The following CLASP1 variants were observed in gnomAD, a reference collection of about 807,000 sequenced individuals.
The protein encoded by CLASP1 is CLIP-associating protein 1.
In CLASP1, 38 loss-of-function variants were observed where a neutral mutation model predicts 192.3. That is an observed-to-expected ratio of 0.20 (90% confidence interval 0.15 to 0.26). The LOEUF is 0.26. CLASP1 is among the 10% of genes least tolerant of loss of function. The probability of loss-of-function intolerance (pLI) is 1.00; values close to 1 mark genes in which losing one functional copy is unlikely to be tolerated. For synonymous variants in CLASP1, 691 were observed against 712.8 expected (o/e 0.97, Z 0.49); for missense variants, 1,433 against 1,932.5 (o/e 0.74, Z 4.85).
At chr2:121,560,842 C>A (rs556094544) in intron 2 of CLASP1, among the ~76,000 whole-genome samples, 67 of 152,342 alleles carry the variant, frequency 4.4e-4, no homozygotes, top group African/African-American at 1.3e-3. Context: ...TCAAGCAATT[C>A]TCCTGCATCA....
intron 2 of CLASP1, among the ~76,000 whole-genome samples, chr2:121,574,134 C>T (rs2060238416): frequency 6.6e-6 from 1 of 152,204 alleles, no homozygotes; most frequent in Admixed American, 6.5e-5. Context: ...TCGAGACTAT[C>T]CTGGCTAACA....
chr2:121,458,975 C>G, exon 13 of CLASP1: 1 of 1,596,722 alleles, frequency 6.3e-7, no homozygotes, highest in Non-Finnish European at 8.5e-7. Flanking sequence ...ATGACAGATG[C>G]CTAAAACAAG....
At chr2:121,474,069 A>G (rs2091231883) in intron 8 of CLASP1, among the ~76,000 whole-genome samples, 1 of 152,224 alleles carries the variant, frequency 6.6e-6, no homozygotes, top group Admixed American at 6.5e-5. Context: ...TTTATTATTT[A>G]TTCTCCTGTT....
At chr2:121,604,053 A>G (rs1025826976) in intron 2 of CLASP1, among the ~76,000 whole-genome samples, 1 of 152,224 alleles carries the variant, frequency 6.6e-6, no homozygotes, top group Non-Finnish European at 1.5e-5. Flanking sequence ...AATTAGCTAG[A>G]AGGAGGATAT....
rs2066479642 is a variant in CLASP1 at position 121,616,447 on chromosome 2, C to A, written c.-285-10267G>T. Among the ~76,000 whole-genome samples the A allele has an allele frequency of 1.3e-5, 2 of 151,202 alleles. 1 individual carries two copies. Among genetic ancestry groups the A allele is most frequent in the African/African-American group, 4.9e-5 (2 of 41,096 alleles). On this transcript the variant is annotated intron_variant, in intron 1 of 39. Transcript: ENST00000263710. ...GGCAACAAAGAGCAAAACTCTGTCT[C>A]AAAAAAATAAAAAATAAAAATCTCC...
At chr2:121,527,824 G>C in exon 5 of CLASP1, 1 of 1,613,852 alleles carries the variant, frequency 6.2e-7, no homozygotes, top group South Asian at 1.1e-5. Context: ...ATAAGGCAGA[G>C]ACAGATGCCT....
intron 38 of CLASP1, among the ~76,000 whole-genome samples, 179 bp from the exon 40 acceptor site, chr2:121,347,333 C>T (rs1426325063): frequency 6.6e-6 from 1 of 152,186 alleles, no homozygotes; most frequent in Non-Finnish European, 1.5e-5. Flanking sequence ...AAAGTGGTCA[C>T]AACTTAGCAT....
At chr2:121,449,610 C>A in intron 16 of CLASP1, among the ~76,000 whole-genome samples, 1 of 91,924 alleles carries the variant, frequency 1.1e-5, no homozygotes, top group Non-Finnish European at 2.1e-5. Flanking sequence ...AAAAATGGGC[C>A]GGGGGTGGGG....
intron 6 of CLASP1, among the ~76,000 whole-genome samples, chr2:121,516,104 A>G (rs2094284672): frequency 6.6e-6 from 1 of 152,316 alleles, no homozygotes; most frequent in South Asian, 2.1e-4. Flanking sequence ...AATAAATGAT[A>G]CTAAAAATAA....
intron 26 of CLASP1, chr2:121,403,801 TGG>T: frequency 2.1e-6 from 1 of 465,362 alleles, no homozygotes; most frequent in Non-Finnish European, 4.3e-6. Flanking sequence ...AAGCATTCCT[TGG>T]GCTTAGTGTT....
At chr2:121,459,240 T>G (rs374277985) in intron 12 of CLASP1, among the ~76,000 whole-genome samples, 17 of 152,164 alleles carry the variant, frequency 1.1e-4, no homozygotes, top group Non-Finnish European at 2.2e-4. Context: ...CTTGCCCACG[T>G]TGAACTTGAA....
At chr2:121,406,505 C>T (rs2076931758) in intron 25 of CLASP1, among the ~76,000 whole-genome samples, 1 of 152,192 alleles carries the variant, frequency 6.6e-6, no homozygotes, top group Admixed American at 6.5e-5. Flanking sequence ...ACCTGAACTG[C>T]ATACTGTACA....
chr2:121,530,664 G>T, intron 2 of CLASP1: 2 of 511,348 alleles, frequency 3.9e-6, no homozygotes, highest in South Asian at 3.1e-5. Context: ...GCAAATTTTC[G>T]AGCGGCCGAC....
At chr2:121,631,875 C>T (rs1012400693) in intron 1 of CLASP1, among the ~76,000 whole-genome samples, 5 of 151,856 alleles carry the variant, frequency 3.3e-5, no homozygotes, top group South Asian at 2.1e-4. Context: ...GGTGAAACCC[C>T]GTCTCTAGTA....
rs2073794053 is a variant in CLASP1, at chr2:121,388,696, A to T, written c.3124-790T>A. On this transcript the variant is annotated intron_variant, in intron 30 of 39. Coordinates refer to ENST00000263710, the Ensembl canonical transcript of CLASP1. ...AAGCACAATGCCTGAGGAATTAATT[A>T]CAATAGTTTTCATTTATAAAAGCTA... is the stretch of plus-strand genomic sequence containing the variant. Among the ~76,000 whole-genome samples, 5 of 152,376 alleles carry T rather than the reference A, an allele frequency of 3.3e-5. No homozygotes were observed. In the South Asian group the frequency reaches 8.3e-4, roughly 25 times the overall value.
rs1559370727 is a variant in CLASP1, at chr2:121,479,024, A to AC, written c.713-9065dup. Reference sequence around the variant, plus strand: ...CACACCACACACACACACCACACACACACACACCCCACACACACACACACC... The same window carrying AC: ...CACACCACACACACACACCACACACACCACACACCCCACACACACACACACC... On this transcript the variant is annotated intron_variant, in intron 8 of 39. Coordinates refer to ENST00000263710, the Ensembl canonical transcript of CLASP1. Among the ~76,000 whole-genome samples, 4 of 68,456 alleles carry AC rather than the reference A, an allele frequency of 5.8e-5. 1 individual carries two copies. The highest frequency in any genetic ancestry group is 4.5e-4 in the East Asian group (1 of 2,246). 44.9% of individuals were successfully genotyped at this position (68,456 alleles called of 152,430 possible).
At chr2:121,399,608 AGCTTAAACAGCTGT>A (rs1244582373) in intron 28 of CLASP1, among the ~76,000 whole-genome samples, 2 of 152,234 alleles carry the variant, frequency 1.3e-5, no homozygotes, top group Non-Finnish European at 2.9e-5. Context: ...ATTCTAGATC[AGCTTAAACAGCTGT>A]GCATCTCAAC....
intron 2 of CLASP1, among the ~76,000 whole-genome samples, chr2:121,594,970 T>C (rs1005489520): frequency 2.0e-5 from 3 of 152,184 alleles, no homozygotes; most frequent in East Asian, 1.9e-4. Flanking sequence ...GTTTAAAAAG[T>C]ATATATGGTC....
chr2:121,514,229 G>T (rs1251277963), intron 7 of CLASP1, among the ~76,000 whole-genome samples: 1 of 152,194 alleles, frequency 6.6e-6, no homozygotes, highest in East Asian at 1.9e-4. Flanking sequence ...TAAAATGGTG[G>T]ATTCATGGTC....
Sources: allele counts gnomAD v4.1 joint callset (sites outside exome capture counted in the v4.1 genomes callset), GRCh38; gene constraint gnomAD v4.1.1; transcripts MANE v1.5; gene names NCBI Gene and HGNC (gene_info 2026-07-23, HGNC 2026-07-21).